The following PPP1R13B variants were observed in gnomAD, a reference collection of about 807,000 sequenced individuals.
The protein encoded by PPP1R13B is apoptosis-stimulating of p53 protein 1.
In PPP1R13B, 44 loss-of-function variants were observed where a neutral mutation model predicts 119.8. That is an observed-to-expected ratio of 0.37 (90% CI 0.29 to 0.47). The LOEUF (loss-of-function observed/expected upper bound fraction) is 0.47, where lower values mean the gene tolerates loss of function less well. Among genes scored for constraint, PPP1R13B ranks in the 20% least tolerant of loss-of-function variants. The pLI is 0.99. For missense variants in PPP1R13B, 1,227 were observed against 1,413.5 expected, an observed-to-expected ratio of 0.87 and a Z score of 2.12; for synonymous variants, 542 against 561.5, an observed-to-expected ratio of 0.97 and a Z score of 0.49.
At chr14:103,764,050 T>C (rs2084877575) in intron 4 of PPP1R13B, 1 of 152,338 alleles carries the variant, frequency 6.6e-6, no homozygotes, top group African/African-American at 2.4e-5. Flanking sequence ...ATTTCTTAGC[T>C]GGTATGAGTA....
chr14:103,784,733 A>G, intron 3 of PPP1R13B, 62 bp downstream of exon 3: 1 of 1,496,358 alleles, frequency 6.7e-7, no homozygotes, highest in Admixed American at 1.8e-5. Flanking sequence ...ATTTATTCCT[A>G]TTTTTCTTAA....
intron 1 of PPP1R13B, among the ~76,000 whole-genome samples, chr14:103,846,245 G>C (rs150752155): frequency 7.7e-4 from 118 of 152,306 alleles, no homozygotes; most frequent in African/African-American, 2.7e-3. Context: ...TACAAAACAT[G>C]CTGGAATCCG....
intron 1 of PPP1R13B, among the ~76,000 whole-genome samples, chr14:103,831,515 T>C (rs28794002): frequency 0.13 from 19,544 of 150,304 alleles, 1,944 homozygotes; most frequent in African/African-American, 0.27. Flanking sequence ...TTCCCCATGT[T>C]GGCCAGGCTA....
At chr14:103,821,253 G>A (rs2086399438) in intron 1 of PPP1R13B, among the ~76,000 whole-genome samples, 1 of 152,190 alleles carries the variant, frequency 6.6e-6, no homozygotes. Flanking sequence ...AAGGAGGTCT[G>A]TAAAATGTCT....
At chr14:103,818,634 T>C (rs2086333053) in intron 1 of PPP1R13B, 1 of 328,616 alleles carries the variant, frequency 3.0e-6, no homozygotes, top group Non-Finnish European at 4.3e-6. Context: ...GCTTCACATT[T>C]GGGCAAGTTC....
At chr14:103,820,897 C>T (rs762673826) in intron 1 of PPP1R13B, among the ~76,000 whole-genome samples, 3 of 151,622 alleles carry the variant, frequency 2.0e-5, no homozygotes, top group Non-Finnish European at 2.9e-5. Context: ...AAGTTGTTTG[C>T]GGGGAAAAAA....
intron 1 of PPP1R13B, among the ~76,000 whole-genome samples, chr14:103,797,839 G>A (rs2085795857): frequency 1.3e-5 from 2 of 151,804 alleles, no homozygotes; most frequent in South Asian, 4.2e-4. Flanking sequence ...AATTACCTAT[G>A]AAAAAAATGG....
intron 1 of PPP1R13B, among the ~76,000 whole-genome samples, chr14:103,798,061 T>C (rs1420792837): frequency 2.0e-5 from 3 of 151,994 alleles, no homozygotes; most frequent in African/African-American, 7.2e-5. Flanking sequence ...TTTATAGCTT[T>C]GGAATAAAGG....
chr14:103,829,029 T>G (rs1035684086), intron 1 of PPP1R13B, among the ~76,000 whole-genome samples: 4 of 152,202 alleles, frequency 2.6e-5, no homozygotes, highest in Non-Finnish European at 5.9e-5. Flanking sequence ...AATAATCCAG[T>G]GTGTTAAATA....
intron 1 of PPP1R13B, among the ~76,000 whole-genome samples, chr14:103,834,547 G>A (rs2086730498): frequency 6.9e-6 from 1 of 145,718 alleles, no homozygotes; most frequent in African/African-American, 2.5e-5. Flanking sequence ...CTGGAAAACA[G>A]AAAGCACTGC....
At chr14:103,816,490 C>T (rs2152064736) in intron 1 of PPP1R13B, among the ~76,000 whole-genome samples, 1 of 151,512 alleles carries the variant, frequency 6.6e-6, no homozygotes, top group South Asian at 2.1e-4. Context: ...AGTTCGAAAC[C>T]AGCCTGGCCA....
At position 103,791,542 on chromosome 14, in the gene PPP1R13B, T is replaced by C. The variant is rs987228660; in HGVS notation, c.157+5829A>G. Among the ~76,000 whole-genome samples the C allele has an allele frequency of 5.3e-5, 8 of 152,202 alleles. No homozygotes were observed. The South Asian group carries it at 1.0e-3, about 20-fold the overall frequency. On this transcript the variant is annotated intron_variant, in intron 2 of 16. Transcript: ENST00000202556. The stretch of plus-strand genomic sequence containing the variant: ...GAATTCGAGACCAGCCTGGCCAACA[T>C]GGTGAAATCCCGTCTCTACTAAAAA...
intron 1 of PPP1R13B, among the ~76,000 whole-genome samples, chr14:103,837,910 G>A (rs139098403): frequency 1.3e-5 from 2 of 152,086 alleles, no homozygotes; most frequent in African/African-American, 2.4e-5. Flanking sequence ...CCTGAGGTCA[G>A]GAGTTCAAGA....
intron 1 of PPP1R13B, among the ~76,000 whole-genome samples, chr14:103,840,890 A>G (rs1196429683): frequency 1.3e-5 from 2 of 152,226 alleles, no homozygotes; most frequent in African/African-American, 2.4e-5. Context: ...GGTAAGTGCT[A>G]GAAGCAATGG....
intron 1 of PPP1R13B, among the ~76,000 whole-genome samples, chr14:103,817,192 C>G (rs1406871387): frequency 6.6e-6 from 1 of 152,132 alleles, no homozygotes; most frequent in Non-Finnish European, 1.5e-5. Context: ...AATTCGGGCA[C>G]TAATGACATG....
intron 4 of PPP1R13B, chr14:103,759,246 C>T (rs1422902491): frequency 2.6e-5 from 4 of 152,170 alleles, no homozygotes; most frequent in Admixed American, 1.3e-4. Flanking sequence ...GCATGAGCCA[C>T]CGCGCCCGGC....
intron 1 of PPP1R13B, among the ~76,000 whole-genome samples, chr14:103,836,473 C>T (rs774778782): frequency 2.6e-5 from 4 of 151,942 alleles, no homozygotes; most frequent in Non-Finnish European, 4.4e-5. Flanking sequence ...AGGGGTTAAA[C>T]AATTTGTCCA....
At chr14:103,847,608 C>A (rs1379547899), upstream of PPP1R13B, 7 of 986,412 alleles carry the variant, frequency 7.1e-6, no homozygotes, top group Non-Finnish European at 8.4e-6. Flanking sequence ...TCTTCAGCCC[C>A]CGCAGGCCCC....
Position 103,742,672 on chromosome 14 carries a change from C to T in PPP1R13B, c.1302G>A (p.Leu434=). 1 of 1,613,874 alleles carries T rather than the reference C, an allele frequency of 6.2e-7. No homozygotes were observed. The highest frequency in any genetic ancestry group is 8.5e-7 in the Non-Finnish European group (1 of 1,180,010). Residue 434 remains leucine, a synonymous_variant, in exon 10 of 17, where the codon CTG becomes CTA. Coordinates refer to ENST00000202556, the MANE Select transcript of PPP1R13B (RefSeq NM_015316.3). The surrounding 1 kb of genome is among the most constrained non-coding windows in gnomAD (Gnocchi z 4.9). ...VSSQPVPFSA[L]GPTEKPGIEI... Reference sequence around the variant, plus strand: ...GGCCTACCGGCTTCTCCGTGGGTCCCAGTGCTGAGAAGGGCACAGGCTGGC... The same window carrying T: ...GGCCTACCGGCTTCTCCGTGGGTCCTAGTGCTGAGAAGGGCACAGGCTGGC...
Sources: allele counts gnomAD v4.1 joint callset (sites outside exome capture counted in the v4.1 genomes callset), GRCh38; gene constraint gnomAD v4.1.1; non-coding constraint Gnocchi (gnomAD v3.1); transcripts MANE v1.5; gene names NCBI Gene and HGNC (gene_info 2026-07-23, HGNC 2026-07-21).